GRIK3: variants seen among roughly 807,000 people sequenced by gnomAD.
GRIK3 encodes glutamate ionotropic receptor kainate type subunit 3, also known as glutamate receptor ionotropic, kainate 3.
Under a neutral mutation model 102.5 loss-of-function variants are expected in GRIK3, and 29 were observed. That is an observed-to-expected ratio of 0.28 (90% CI 0.21 to 0.39). GRIK3 has a LOEUF of 0.39. GRIK3 is among the 10% of genes least tolerant of loss of function. The probability of loss-of-function intolerance (pLI) is 1.00; values close to 1 mark genes in which losing one functional copy is unlikely to be tolerated. For synonymous variants in GRIK3, 511 were observed against 504.9 expected (o/e 1.01, Z -0.16); for missense variants, 908 against 1,252.4 (o/e 0.73, Z 4.15).
chr1:36,867,278 C>T (rs1557707766), intron 5 of GRIK3, among the ~76,000 whole-genome samples: 1 of 152,166 alleles, frequency 6.6e-6, no homozygotes, highest in Admixed American at 6.5e-5. Context: ...CCCACTTTCC[C>T]AGATCCAATT....
intron 1 of GRIK3, among the ~76,000 whole-genome samples, chr1:36,997,167 C>T (rs913610358): frequency 4.6e-5 from 7 of 152,116 alleles, no homozygotes; most frequent in African/African-American, 1.7e-4. Context: ...TGGGCCTCCA[C>T]CCAACCAAGT....
intron 1 of GRIK3, among the ~76,000 whole-genome samples, chr1:37,013,167 A>G (rs112196549): frequency 0.073 from 11,158 of 152,272 alleles, 609 homozygotes; most frequent in South Asian, 0.21. Context: ...TTATAAAACC[A>G]TCAGATCTCG....
At chr1:36,900,589 A>T (rs1397341129) in intron 1 of GRIK3, among the ~76,000 whole-genome samples, 1 of 152,246 alleles carries the variant, frequency 6.6e-6, no homozygotes, top group African/African-American at 2.4e-5. Flanking sequence ...GAATGCATAA[A>T]ATAGAAAAGA....
At chr1:36,883,752 C>T (rs973405829) in intron 2 of GRIK3, among the ~76,000 whole-genome samples, 8 of 152,166 alleles carry the variant, frequency 5.3e-5, no homozygotes, top group East Asian at 3.9e-4. Context: ...GGGTCCCTCT[C>T]GCCTGGGCTT....
At position 36,880,413 on chromosome 1, in the gene GRIK3, G is replaced by A. The variant is rs1640959371; in HGVS notation, c.550+221C>T. Among the ~76,000 whole-genome samples, 1 of 152,228 alleles carries A rather than the reference G, an allele frequency of 6.6e-6. No individual in the cohort carries two copies. The highest frequency in any genetic ancestry group is 2.4e-5 in the African/African-American group (1 of 41,452). On this transcript the variant is annotated intron_variant, in intron 3 of 15. Transcript: ENST00000373091. The surrounding 1 kb of genome is among the most constrained non-coding windows in gnomAD (Gnocchi z 5.4). ...AGAGGAGGAGCTGAGTGTGAGGCAGGGGTGAGGTGCGCTGGGGCTGAGTGA... is the reference window on the plus strand; with the variant it reads ...AGAGGAGGAGCTGAGTGTGAGGCAGAGGTGAGGTGCGCTGGGGCTGAGTGA...
intron 1 of GRIK3, among the ~76,000 whole-genome samples, chr1:36,907,440 G>A (rs1157501357): frequency 6.6e-6 from 1 of 152,114 alleles, no homozygotes; most frequent in African/African-American, 2.4e-5. Context: ...GTTTTAAGTT[G>A]AGCCTCCCTT....
intron 1 of GRIK3, among the ~76,000 whole-genome samples, chr1:36,931,977 C>T (rs975894038): frequency 2.0e-5 from 3 of 152,156 alleles, no homozygotes; most frequent in African/African-American, 4.8e-5. Context: ...CAAGCCATTC[C>T]GTCCTCCTCA....
intron 8 of GRIK3, among the ~76,000 whole-genome samples, chr1:36,852,376 G>A (rs1475240558): frequency 1.3e-5 from 2 of 152,202 alleles, no homozygotes; most frequent in Non-Finnish European, 2.9e-5. Context: ...TGCAACCAGG[G>A]CAATTGTGTG....
intron 1 of GRIK3, among the ~76,000 whole-genome samples, chr1:36,948,437 G>A (rs573845991): frequency 2.0e-5 from 3 of 152,240 alleles, no homozygotes; most frequent in African/African-American, 7.2e-5. Flanking sequence ...TTCTAAGATG[G>A]AGGGGGAACC....
chr1:36,923,076 G>C (rs1294623192), intron 1 of GRIK3, among the ~76,000 whole-genome samples: 5 of 152,218 alleles, frequency 3.3e-5, no homozygotes, highest in South Asian at 2.1e-4. Context: ...TGAGTCACAG[G>C]AGGTGACATT....
intron 1 of GRIK3, among the ~76,000 whole-genome samples, chr1:36,974,830 C>T (rs1304157457): frequency 4.6e-5 from 7 of 151,534 alleles, no homozygotes; most frequent in African/African-American, 1.7e-4. Context: ...AAAGGAATGC[C>T]ATTCTGATAC....
Position 36,974,673 on chromosome 1 carries a change from G to A in GRIK3, c.115+59321C>T, listed in dbSNP as rs1036780594. Among the ~76,000 whole-genome samples, 7 of 151,948 alleles carry A rather than the reference G, an allele frequency of 4.6e-5. 1 individual carries two copies. The highest frequency in any genetic ancestry group is 4.2e-4 in the South Asian group (2 of 4,796). ...AAATTAGCCGGGCGTGGTGGTGGGC[G>A]CCTGTAGTCCGAGCCAATCGGGAGG... On this transcript the variant is annotated intron_variant, in intron 1 of 15. Transcript: ENST00000373091.
chr1:37,016,063 C>T (rs1642649863), intron 1 of GRIK3, among the ~76,000 whole-genome samples: 1 of 152,192 alleles, frequency 6.6e-6, no homozygotes, highest in Non-Finnish European at 1.5e-5. Flanking sequence ...CAGGCAGGCA[C>T]CAAAGGAAGG....
At chr1:36,940,582 CACT>C in intron 1 of GRIK3, among the ~76,000 whole-genome samples, 1 of 152,332 alleles carries the variant, frequency 6.6e-6, no homozygotes, top group Admixed American at 6.5e-5. Flanking sequence ...TATTGCATAA[CACT>C]ACGAGTCTTG....
intron 3 of GRIK3, among the ~76,000 whole-genome samples, chr1:36,875,823 T>C (rs1640907517): frequency 6.6e-6 from 1 of 152,214 alleles, no homozygotes; most frequent in African/African-American, 2.4e-5. Context: ...GGTGGTTTGT[T>C]ACACAGCATT....
chr1:37,024,732 G>A, intron 1 of GRIK3, among the ~76,000 whole-genome samples: 1 of 103,976 alleles, frequency 9.6e-6, no homozygotes. Context: ...AACAGAGCAA[G>A]ACTCCATCTC....
At chr1:36,960,102 C>G (rs1641988309) in intron 1 of GRIK3, among the ~76,000 whole-genome samples, 1 of 129,148 alleles carries the variant, frequency 7.7e-6, no homozygotes, top group African/African-American at 2.7e-5. Flanking sequence ...CCCCATAAGC[C>G]TGTGTGCTCT....
At chr1:36,868,794 G>T (rs148900097) in intron 5 of GRIK3, among the ~76,000 whole-genome samples, 1 of 152,314 alleles carries the variant, frequency 6.6e-6, no homozygotes, top group East Asian at 1.9e-4. Context: ...CAAGTATCTG[G>T]TTTTCTGTAA....
chr1:36,862,405 A>T (rs1168791682), intron 5 of GRIK3, among the ~76,000 whole-genome samples: 1 of 152,174 alleles, frequency 6.6e-6, no homozygotes, highest in Non-Finnish European at 1.5e-5. Flanking sequence ...GTGGGTGTCC[A>T]GGACAAGACA....
Sources: gnomAD v4.1 joint callset for allele counts (sites outside exome capture counted in the v4.1 genomes callset) on GRCh38, gnomAD v4.1.1 for gene constraint, Gnocchi (gnomAD v3.1) non-coding constraint, MANE v1.5 for transcripts, NCBI Gene and HGNC (gene_info 2026-07-23, HGNC 2026-07-21) for gene names.